AADAT: variants seen among roughly 807,000 people sequenced by gnomAD.
AADAT encodes the protein aminoadipate aminotransferase.
In AADAT, 25 loss-of-function variants were observed where a neutral mutation model predicts 56.2. The ratio of observed to expected loss-of-function variants is 0.44; its 90% CI spans 0.32 to 0.62. The LOEUF (loss-of-function observed/expected upper bound fraction) is 0.62. Among genes scored for constraint, AADAT ranks in the 20% least tolerant of loss-of-function variants. The pLI is 0.04. For missense variants in AADAT, 387 were observed against 510.5 expected (o/e 0.76, Z 2.33); for synonymous variants, 173 against 164.7 (o/e 1.05, Z -0.39).
In AADAT at chr4:170,082,897, A is replaced by G. The variant is rs539430305; in HGVS notation, c.369+4219T>C. Among the ~76,000 whole-genome samples the G allele has an allele frequency of 3.9e-5, 6 of 152,050 alleles. No individual in the cohort carries two copies. The East Asian group carries it at 9.6e-4, about 24-fold the overall frequency. Reference sequence around the variant, plus strand: ...AATACAACCTCCCAAGTATACAAATATTAGTAAATTTAAAGGGAGAGATGG... The same window carrying G: ...AATACAACCTCCCAAGTATACAAATGTTAGTAAATTTAAAGGGAGAGATGG... On this transcript the variant is annotated intron_variant, in intron 3 of 12. Transcript: ENST00000337664.
At chr4:170,087,503 C>T (rs1020917097) in intron 2 of AADAT, among the ~76,000 whole-genome samples, 14 of 152,178 alleles carry the variant, frequency 9.2e-5, no homozygotes, top group African/African-American at 2.9e-4. Context: ...AGATTTGAAT[C>T]TACATCTTTC....
chr4:170,073,172 G>A lies in AADAT; in HGVS notation c.618C>T (p.Asn206=), dbSNP rs544285004. ...TVPNGNNPTG[N]SLTSERKKEI... ...CCTTTTTGCGTTCACTGGTTAATGA[G>A]TTTCCAGTAGGGTTGTTGCCATTTG... The change falls in exon 5 of 13, where the codon AAC becomes AAT. Residue 206 remains asparagine, a synonymous_variant. Transcript: ENST00000337664. 5 of 1,614,166 alleles carry A rather than the reference G, an allele frequency of 3.1e-6. No homozygotes were observed. Among genetic ancestry groups the A allele is most frequent in the African/African-American group, 2.7e-5 (2 of 75,040 alleles).
intron 11 of AADAT, among the ~76,000 whole-genome samples, chr4:170,062,311 A>G (rs552676662): frequency 6.6e-6 from 1 of 152,342 alleles, no homozygotes; most frequent in African/African-American, 2.4e-5. Flanking sequence ...AGAAAGATAA[A>G]TGGTAATAAA....
chr4:170,066,100 G>A (rs1362871023), intron 10 of AADAT, among the ~76,000 whole-genome samples: 1 of 151,842 alleles, frequency 6.6e-6, no homozygotes, highest in Non-Finnish European at 1.5e-5. Flanking sequence ...TTACCCTTTG[G>A]GGTAAAATTC....
upstream of AADAT, among the ~76,000 whole-genome samples, chr4:170,091,883 T>C (rs1308392898): frequency 6.6e-6 from 1 of 152,248 alleles, no homozygotes; most frequent in African/African-American, 2.4e-5. Flanking sequence ...ATCAGCACTC[T>C]GTATCTAACT....
At chr4:170,091,802 C>T (rs1732850294), upstream of AADAT, 1 of 152,326 alleles carries the variant, frequency 6.6e-6, no homozygotes, top group Non-Finnish European at 1.5e-5. Context: ...CCAATGGGCA[C>T]TCTGTATCTA....
intron 7 of AADAT, 102 bp downstream of exon 7, chr4:170,069,046 A>G (rs982052597): frequency 3.7e-5 from 35 of 946,432 alleles, no homozygotes; most frequent in Middle Eastern, 4.4e-4. Flanking sequence ...CAAGTAGACT[A>G]CAAGCATTTT....
intron 12 of AADAT, among the ~76,000 whole-genome samples, 175 bp downstream of exon 12, chr4:170,061,717 T>C (rs867569656): frequency 6.6e-6 from 1 of 152,224 alleles, no homozygotes; most frequent in Admixed American, 6.5e-5. Context: ...TCTATAGAAG[T>C]CTAGCAACAA....
At chr4:170,080,884 A>C (rs76344463) in intron 3 of AADAT, among the ~76,000 whole-genome samples, 4,301 of 152,252 alleles carry the variant, frequency 0.028, 205 homozygotes, top group African/African-American at 0.099. Flanking sequence ...TTTAATGCAA[A>C]AAACTGATGT....
At chr4:170,091,726 G>A (rs933040168), upstream of AADAT, 9 of 152,344 alleles carry the variant, frequency 5.9e-5, no homozygotes, top group African/African-American at 1.9e-4. Flanking sequence ...GAACCTTTAT[G>A]TCTAGCTAAG....
intron 3 of AADAT, among the ~76,000 whole-genome samples, chr4:170,083,629 G>T (rs1732419031): frequency 6.6e-6 from 1 of 151,876 alleles, no homozygotes; most frequent in Non-Finnish European, 1.5e-5. Context: ...CGGCCAAAAG[G>T]CATTAAAAAA....
At chr4:170,091,829 C>G (rs866443504), upstream of AADAT, 1 of 152,288 alleles carries the variant, frequency 6.6e-6, no homozygotes, top group South Asian at 2.1e-4. Flanking sequence ...CTGATGGGGA[C>G]TTGGAGAATC....
At chr4:170,064,671 A>T (rs1012655620) in intron 11 of AADAT, 48 bp downstream of exon 11, 1 of 1,437,442 alleles carries the variant, frequency 7.0e-7, no homozygotes, top group Non-Finnish European at 9.5e-7. Context: ...TTAAAGAAAA[A>T]GTATAACTTT....
At chr4:170,068,934 C>G (rs1731619084) in intron 7 of AADAT, among the ~76,000 whole-genome samples, 2 of 152,120 alleles carry the variant, frequency 1.3e-5, no homozygotes, top group African/African-American at 4.8e-5. Context: ...ACTGGTCCGA[C>G]TACAACTTTA....
In AADAT at chr4:170,089,772, G is replaced by A; in HGVS notation, c.-82C>T. On this transcript the variant is annotated 5_prime_UTR_variant, in exon 1 of 13. Coordinates refer to ENST00000337664, the MANE Select transcript of AADAT (RefSeq NM_016228.4). Reference sequence around the variant, plus strand: ...CAAAGAGCCTCGTCAAGTCCTGCCTGCTAACTCCTCACTCTGGCAACGCCA... The same window carrying A: ...CAAAGAGCCTCGTCAAGTCCTGCCTACTAACTCCTCACTCTGGCAACGCCA... The A allele has an allele frequency of 1.4e-6, 2 of 1,420,850 alleles. No individual in the cohort carries two copies. The highest frequency in any genetic ancestry group is 9.8e-7 in the Non-Finnish European group (1 of 1,017,098). The allele number at this position is 1,420,850 out of a possible 1,614,324, so 88.0% of individuals were successfully genotyped here. A position where few individuals can be genotyped will look rare whatever the true frequency, so the allele number is the denominator to read the frequency against.
At chr4:170,089,321 G>A in intron 1 of AADAT, 1 of 571,512 alleles carries the variant, frequency 1.7e-6, no homozygotes, top group South Asian at 1.7e-5. Context: ...AGCTTCCCAG[G>A]AAGAGCCTTT....
At chr4:170,094,032 T>G (rs747026175), upstream of AADAT, among the ~76,000 whole-genome samples, 1 of 152,224 alleles carries the variant, frequency 6.6e-6, no homozygotes, top group Non-Finnish European at 1.5e-5. Flanking sequence ...TTTTCAACCC[T>G]TAAACAGTTT....
chr4:170,081,879 C>T lies in AADAT; in HGVS notation c.370-3296G>A, dbSNP rs186556306. On this transcript the variant is annotated intron_variant, in intron 3 of 12. Coordinates refer to ENST00000337664, the MANE Select transcript of AADAT (RefSeq NM_016228.4). ...GTACACTTGATCTTAGCCAAAAGGC[C>T]GAGAAGCGATCATCCAAGAATATTG... is the stretch of plus-strand genomic sequence containing the variant. 2.1e-3 allele frequency among the ~76,000 whole-genome samples: 321 copies of T among 152,074 alleles called. 1 individual carries two copies. Among genetic ancestry groups the T allele is most frequent in the Middle Eastern group, 0.01 (3 of 294 alleles).
At chr4:170,090,874 A>C (rs921681201), upstream of AADAT, among the ~76,000 whole-genome samples, 1 of 152,204 alleles carries the variant, frequency 6.6e-6, no homozygotes, top group African/African-American at 2.4e-5. Flanking sequence ...CATTCAGCAC[A>C]AATTTACTGA....
Sources: gnomAD v4.1 joint callset for allele counts (sites outside exome capture counted in the v4.1 genomes callset) on GRCh38, gnomAD v4.1.1 for gene constraint, MANE v1.5 for transcripts, NCBI Gene and HGNC (gene_info 2026-07-23, HGNC 2026-07-21) for gene names.